Variants in ATP2A2 observed in about 807,000 individuals in gnomAD.
ATP2A2 encodes sarcoplasmic/endoplasmic reticulum calcium ATPase 2.
ATP2A2 carries 14 observed loss-of-function variants against 109.3 expected under a neutral mutation model. That is an observed-to-expected ratio of 0.13 (90% CI 0.08 to 0.20). The LOEUF (loss-of-function observed/expected upper bound fraction) is 0.20, where lower values mean the gene tolerates loss of function less well. Among genes scored for constraint, ATP2A2 ranks in the 10% least tolerant of loss-of-function variants. The probability of loss-of-function intolerance (pLI) is 1.00; values close to 1 mark genes in which losing one functional copy is unlikely to be tolerated. For missense variants in ATP2A2, 657 were observed against 1,321.6 expected, an observed-to-expected ratio of 0.50 and a Z score of 7.80; for synonymous variants, 506 against 490.9, an observed-to-expected ratio of 1.03 and a Z score of -0.41.
At chr12:110,330,447 TAA>T (rs1403299549) in intron 8 of ATP2A2, 1 of 152,222 alleles carries the variant, frequency 6.6e-6, no homozygotes. Flanking sequence ...ATGAATTGGC[TAA>T]AAGTCAGTTT....
chr12:110,286,700 TAAA>T (rs769437237), intron 3 of ATP2A2, among the ~76,000 whole-genome samples: 11 of 141,286 alleles, frequency 7.8e-5, no homozygotes, highest in Non-Finnish European at 3.1e-5. Context: ...CCTCTTTATT[TAAA>T]AAAAAAAAAA....
In ATP2A2 at chr12:110,281,540, G is replaced by A. The variant is rs1592781785; in HGVS notation, c.-250G>A. The A allele has an allele frequency of 3.6e-5, 9 of 248,896 alleles. No individual in the cohort carries two copies. In the East Asian group the frequency reaches 7.4e-4, roughly 20 times the overall value. The allele number at this position is 248,896 out of a possible 1,614,324, so 15.4% of individuals were successfully genotyped here. On this transcript the variant is annotated 5_prime_UTR_variant, in exon 1 of 20. Transcript: ENST00000539276. ...CGAGGGAGGCCCTCCCTTCTGGCGA[G>A]GGGAGGGAGGGTGGGTCAGGAGCCC...
At position 110,340,683 on chromosome 12, in the gene ATP2A2, G is replaced by A. The variant is rs1195715155; in HGVS notation, c.1786G>A (p.Val596Met). Residue 596 changes from valine to methionine, a missense_variant, in exon 14 of 20, where the codon GTG becomes ATG. Coordinates refer to ENST00000539276, the MANE Select transcript of ATP2A2 (RefSeq NM_170665.4). This position sits in a 1 kb window ranked among gnomAD's most constrained non-coding sequence, Gnocchi z 6.0. ...YETNLTFVGC[V>M]GMLDPPRIEV... ...GACCAATCTGACCTTCGTTGGCTGC[G>A]TGGGCATGCTGGATCCTCCGAGAAT... is the stretch of plus-strand genomic sequence containing the variant. The A allele has an allele frequency of 1.9e-6, 3 of 1,613,988 alleles. No homozygotes were observed. The highest frequency in any genetic ancestry group is 8.5e-7 in the Non-Finnish European group (1 of 1,180,022).
chr12:110,302,832 C>G (rs1379294666), intron 5 of ATP2A2, among the ~76,000 whole-genome samples: 1 of 152,062 alleles, frequency 6.6e-6, no homozygotes, highest in East Asian at 1.9e-4. Context: ...CTCCTGGCCT[C>G]GTGACCCACT....
At chr12:110,300,063 G>C (rs576592037) in intron 5 of ATP2A2, among the ~76,000 whole-genome samples, 7 of 150,366 alleles carry the variant, frequency 4.7e-5, no homozygotes, top group African/African-American at 1.7e-4. Flanking sequence ...GCCTAAAGCA[G>C]CTCCTTCCGT....
intron 4 of ATP2A2, among the ~76,000 whole-genome samples, chr12:110,292,633 C>G (rs1447406577): frequency 6.6e-6 from 1 of 152,136 alleles, no homozygotes; most frequent in African/African-American, 2.4e-5. Context: ...TAAGATTGCT[C>G]ATTCTTCGCC....
intron 5 of ATP2A2, among the ~76,000 whole-genome samples, chr12:110,310,686 A>G (rs1391921678): frequency 6.6e-6 from 1 of 152,230 alleles, no homozygotes; most frequent in African/African-American, 2.4e-5. Context: ...TAGCACTTGT[A>G]CAGAAATTGA....
At chr12:110,308,122 T>C (rs949671427) in intron 5 of ATP2A2, among the ~76,000 whole-genome samples, 1 of 152,232 alleles carries the variant, frequency 6.6e-6, no homozygotes, top group East Asian at 1.9e-4. Flanking sequence ...TAGTTAGTTT[T>C]AATAGTTTTT....
chr12:110,306,940 G>A (rs901606944), intron 5 of ATP2A2, among the ~76,000 whole-genome samples: 3 of 151,878 alleles, frequency 2.0e-5, no homozygotes, highest in African/African-American at 7.3e-5. Flanking sequence ...TGTATTTTTC[G>A]TACAGATAAG....
intron 5 of ATP2A2, among the ~76,000 whole-genome samples, chr12:110,297,454 A>G (rs1486543711): frequency 1.3e-5 from 2 of 149,848 alleles, no homozygotes; most frequent in East Asian, 3.9e-4. Flanking sequence ...AAAAAAAAAC[A>G]GTATGCTTAA....
At position 110,332,621 on chromosome 12, in the gene ATP2A2, G is replaced by A; in HGVS notation, c.1120G>A (p.Gly374Ser). 1.9e-6 allele frequency: 3 copies of A among 1,613,658 alleles called. No homozygotes were observed. Among genetic ancestry groups the A allele is most frequent in the Non-Finnish European group, 8.5e-7 (1 of 1,179,558 alleles). Residue 374 changes from glycine to serine, a missense_variant, in exon 9 of 20, where the codon GGT becomes AGT. Transcript: ENST00000539276. ...GATGTTCATTCTGGACAGAGTGGAA[G>A]GTGATACTTGTTCCCTTAATGAGTT... ...CRMFILDRVE[G>S]DTCSLNEFTI...
intron 5 of ATP2A2, among the ~76,000 whole-genome samples, chr12:110,305,091 A>G (rs1037324698): frequency 3.9e-4 from 59 of 151,780 alleles, no homozygotes; most frequent in African/African-American, 1.4e-3. Context: ...ACACCACCAC[A>G]CTCAGCTAAT....
chr12:110,285,445 T>C (rs1251358461), intron 3 of ATP2A2, among the ~76,000 whole-genome samples: 2 of 152,330 alleles, frequency 1.3e-5, no homozygotes, highest in Middle Eastern at 3.4e-3. Context: ...GCCTGCCCTT[T>C]CTTCTCTTTT....
rs78980095 is a variant in ATP2A2, at chr12:110,320,337, C to T, written c.464-2655C>T. 6.9e-3 allele frequency among the ~76,000 whole-genome samples: 1,045 copies of T among 152,300 alleles called. 1 individual carries two copies. Among genetic ancestry groups the T allele is most frequent in the Non-Finnish European group, 9.5e-3 (644 of 68,036 alleles). ...AAGTAAAATAGTGCTTATAGATTGA[C>T]GACCGCTATCTCACATTGGACAGAA... is the stretch of plus-strand genomic sequence containing the variant. On this transcript the variant is annotated intron_variant, in intron 5 of 19. Coordinates refer to ENST00000539276, the MANE Select transcript of ATP2A2 (RefSeq NM_170665.4).
At chr12:110,337,249 T>G (rs1163903722) in intron 11 of ATP2A2, among the ~76,000 whole-genome samples, 2 of 152,120 alleles carry the variant, frequency 1.3e-5, no homozygotes, top group African/African-American at 2.4e-5. Context: ...GGAACCCATG[T>G]GTAGTTTAGA....
At chr12:110,343,100 A>G (rs3026483) in intron 15 of ATP2A2, 132 bp from the exon 16 acceptor site, 92,031 of 934,688 alleles carry the variant, frequency 0.098, 6,151 homozygotes, top group African/African-American at 0.29. Context: ...AAAATTGGGT[A>G]TAAGTATTTT....
At chr12:110,295,543 A>T (rs139047873) in intron 4 of ATP2A2, among the ~76,000 whole-genome samples, 1 of 152,314 alleles carries the variant, frequency 6.6e-6, no homozygotes, top group African/African-American at 2.4e-5. Flanking sequence ...ATTCCACCCA[A>T]CATGATCTTG....
At chr12:110,322,748 A>C (rs1240934507) in intron 5 of ATP2A2, among the ~76,000 whole-genome samples, 1 of 152,200 alleles carries the variant, frequency 6.6e-6, no homozygotes, top group Non-Finnish European at 1.5e-5. Context: ...TTCTTAGAAT[A>C]ATGTAGTTAG....
At chr12:110,305,275 AG>A (rs1566212613) in intron 5 of ATP2A2, among the ~76,000 whole-genome samples, 1 of 152,178 alleles carries the variant, frequency 6.6e-6, no homozygotes, top group African/African-American at 2.4e-5. Context: ...AAGGTGGTAC[AG>A]GCCTGTAGTC....
Sources: allele counts gnomAD v4.1 joint callset (sites outside exome capture counted in the v4.1 genomes callset), GRCh38; gene constraint gnomAD v4.1.1; non-coding constraint Gnocchi (gnomAD v3.1); transcripts MANE v1.5; gene names NCBI Gene and HGNC (gene_info 2026-07-23, HGNC 2026-07-21).